SCAMP1: variants seen among roughly 807,000 people sequenced by gnomAD.
SCAMP1 encodes secretory carrier membrane protein 1.
SCAMP1 carries 15 observed loss-of-function variants against 41.8 expected under a neutral mutation model. The ratio of observed to expected loss-of-function variants is 0.36; its 90% confidence interval spans 0.24 to 0.55. The LOEUF (loss-of-function observed/expected upper bound fraction) is 0.55. Among genes scored for constraint, SCAMP1 ranks in the 20% least tolerant of loss-of-function variants. The probability of loss-of-function intolerance (pLI) is 0.86; values close to 1 mark genes in which losing one functional copy is unlikely to be tolerated. For missense variants in SCAMP1, 341 were observed against 412.6 expected (o/e 0.83, Z 1.50); for synonymous variants, 135 against 136.8 (o/e 0.99, Z 0.09).
intron 2 of SCAMP1, among the ~76,000 whole-genome samples, chr5:78,394,406 A>G (rs1051126924): frequency 1.3e-5 from 2 of 152,100 alleles, no homozygotes; most frequent in Non-Finnish European, 2.9e-5. Context: ...ATCTTTTTAT[A>G]GACACAGGTT....
At chr5:78,444,145 G>A (rs1752998044) in intron 6 of SCAMP1, among the ~76,000 whole-genome samples, 1 of 152,164 alleles carries the variant, frequency 6.6e-6, no homozygotes, top group Non-Finnish European at 1.5e-5. Context: ...TTACTAAAGA[G>A]GGAATATGGG....
At chr5:78,418,284 A>G (rs1216135009) in intron 4 of SCAMP1, among the ~76,000 whole-genome samples, 1 of 152,072 alleles carries the variant, frequency 6.6e-6, no homozygotes, top group Non-Finnish European at 1.5e-5. Context: ...TTAATCTTGG[A>G]CTTAACAGAA....
chr5:78,415,439 T>C (rs1752187546), intron 2 of SCAMP1, 81 bp from the exon 3 acceptor site: 1 of 817,702 alleles, frequency 1.2e-6, no homozygotes. Flanking sequence ...GGATTTTTCA[T>C]TTTATTGGTG....
chr5:78,450,050 T>A lies in SCAMP1; in HGVS notation c.734+16T>A, dbSNP rs1753180841. The A allele has an allele frequency of 2.2e-6, 3 of 1,379,198 alleles. No individual in the cohort carries two copies. The highest frequency in any genetic ancestry group is 3.0e-6 in the Non-Finnish European group (3 of 991,490). 85.4% of individuals were successfully genotyped at this position (1,379,198 alleles called of 1,614,324 possible). A position where few individuals can be genotyped will look rare whatever the true frequency, so the allele number is the denominator to read the frequency against. Reference sequence around the variant, plus strand: ...GGGGCAATTGGTAAGTTTTTTTTTTTACTAGTTTTCAGCTTTAATCTAATA... The same window carrying A: ...GGGGCAATTGGTAAGTTTTTTTTTTAACTAGTTTTCAGCTTTAATCTAATA... On this transcript the variant is annotated intron_variant, in intron 7 of 8. Transcript: ENST00000621999.
At chr5:78,391,708 C>G (rs1433340877) in intron 2 of SCAMP1, among the ~76,000 whole-genome samples, 1 of 152,234 alleles carries the variant, frequency 6.6e-6, no homozygotes, top group Non-Finnish European at 1.5e-5. Flanking sequence ...GCACTCCAGC[C>G]TGGGCGCCAT....
chr5:78,406,679 CTGTT>C (rs1458792871), intron 2 of SCAMP1, among the ~76,000 whole-genome samples: 2 of 152,170 alleles, frequency 1.3e-5, no homozygotes, highest in Non-Finnish European at 2.9e-5. Context: ...TAATTTTTAT[CTGTT>C]TGTCCTAGCC....
chr5:78,429,242 G>T (rs1257866782), intron 6 of SCAMP1, among the ~76,000 whole-genome samples: 2 of 151,184 alleles, frequency 1.3e-5, no homozygotes, highest in African/African-American at 4.9e-5. Flanking sequence ...TTAAGAGAAA[G>T]CATTCACCAT....
At chr5:78,424,749 C>A (rs918456509) in intron 6 of SCAMP1, among the ~76,000 whole-genome samples, 3 of 152,082 alleles carry the variant, frequency 2.0e-5, no homozygotes, top group African/African-American at 7.2e-5. Context: ...AACAAAAAAA[C>A]CCCAACTTGG....
intron 2 of SCAMP1, among the ~76,000 whole-genome samples, chr5:78,395,121 T>C (rs1864172): frequency 0.18 from 28,104 of 152,262 alleles, 3,225 homozygotes; most frequent in Admixed American, 0.34. Context: ...TAGTTTGGCA[T>C]GTGAGACCAT....
chr5:78,366,218 A>C (rs1054288273), intron 1 of SCAMP1, among the ~76,000 whole-genome samples: 4 of 146,252 alleles, frequency 2.7e-5, no homozygotes, highest in African/African-American at 1.0e-4. Context: ...ATCTCGGCTC[A>C]CTGCAACCTC....
chr5:78,398,272 C>G (rs1461171742), intron 2 of SCAMP1, among the ~76,000 whole-genome samples: 1 of 151,696 alleles, frequency 6.6e-6, no homozygotes, highest in Non-Finnish European at 1.5e-5. Context: ...AACATTATGC[C>G]TTCACCATTA....
At chr5:78,423,585 T>C (rs1561270078) in intron 6 of SCAMP1, among the ~76,000 whole-genome samples, 1 of 152,180 alleles carries the variant, frequency 6.6e-6, no homozygotes, top group Non-Finnish European at 1.5e-5. Context: ...CTAGGGAATT[T>C]GGATTTTAAA....
intron 1 of SCAMP1, among the ~76,000 whole-genome samples, chr5:78,362,730 C>T (rs1750687827): frequency 6.6e-6 from 1 of 151,892 alleles, no homozygotes; most frequent in African/African-American, 2.4e-5. Context: ...TGTTCACCTG[C>T]CCCTCCTCCT....
chr5:78,423,499 G>C (rs1402692208), intron 6 of SCAMP1, among the ~76,000 whole-genome samples: 3 of 152,200 alleles, frequency 2.0e-5, no homozygotes, highest in African/African-American at 7.2e-5. Context: ...TTACCAATAT[G>C]TTATCGATCT....
At chr5:78,361,592 G>C (rs1363064539) in intron 1 of SCAMP1, among the ~76,000 whole-genome samples, 2 of 152,228 alleles carry the variant, frequency 1.3e-5, no homozygotes, top group Admixed American at 1.3e-4. Context: ...AGGCGGCTGA[G>C]ATATTCATCG....
At chr5:78,369,491 A>G (rs376330101) in intron 1 of SCAMP1, among the ~76,000 whole-genome samples, 1 of 152,302 alleles carries the variant, frequency 6.6e-6, no homozygotes, top group East Asian at 1.9e-4. Context: ...AGTAACATCA[A>G]GTATCACTGA....
At chr5:78,470,817 T>C (rs1254688567) in intron 8 of SCAMP1, among the ~76,000 whole-genome samples, 1 of 152,170 alleles carries the variant, frequency 6.6e-6, no homozygotes, top group Non-Finnish European at 1.5e-5. Context: ...CTTGTGATTT[T>C]CCGTTTTTCT....
At chr5:78,413,068 G>GT (rs1367774058) in intron 2 of SCAMP1, among the ~76,000 whole-genome samples, 4 of 152,094 alleles carry the variant, frequency 2.6e-5, no homozygotes, top group Non-Finnish European at 5.9e-5. Flanking sequence ...CCCTGAAAGT[G>GT]TTTAAGTTTT....
intron 1 of SCAMP1, among the ~76,000 whole-genome samples, chr5:78,386,145 T>G (rs567163330): frequency 3.8e-4 from 58 of 152,296 alleles, no homozygotes; most frequent in African/African-American, 1.3e-3. Context: ...CAGTGTTAGG[T>G]GCATATGTAT....
Sources: allele counts gnomAD v4.1 joint callset (sites outside exome capture counted in the v4.1 genomes callset), GRCh38; gene constraint gnomAD v4.1.1; transcripts MANE v1.5; gene names NCBI Gene and HGNC (gene_info 2026-07-23, HGNC 2026-07-21).